Variants in MARCHF11 observed in about 807,000 individuals in gnomAD.
MARCHF11 encodes the protein E3 ubiquitin-protein ligase MARCHF11.
Under a neutral mutation model 37.3 loss-of-function variants are expected in MARCHF11, and 29 were observed. The ratio of observed to expected loss-of-function variants is 0.78; its 90% confidence interval spans 0.58 to 1.06. The LOEUF (loss-of-function observed/expected upper bound fraction) is 1.06. MARCHF11 is among the 50% of genes least tolerant of loss of function. The pLI is 0.00. For missense variants in MARCHF11, 482 were observed against 533.4 expected, an observed-to-expected ratio of 0.90 and a Z score of 0.95; for synonymous variants, 233 against 228.0, an observed-to-expected ratio of 1.02 and a Z score of -0.20.
At chr5:16,094,739 CA>C (rs1736838973) in intron 2 of MARCHF11, among the ~76,000 whole-genome samples, 1 of 152,022 alleles carries the variant, frequency 6.6e-6, no homozygotes, top group Admixed American at 6.6e-5. Context: ...AAAGTGGGAC[CA>C]ACTGGCACCT....
intron 2 of MARCHF11, among the ~76,000 whole-genome samples, chr5:16,173,304 C>A (rs1157896827): frequency 6.6e-6 from 1 of 152,180 alleles, no homozygotes; most frequent in African/African-American, 2.4e-5. Context: ...TCTCAGACTT[C>A]TCTGGCCTCC....
intron 2 of MARCHF11, among the ~76,000 whole-genome samples, chr5:16,172,251 A>C (rs915831806): frequency 5.3e-5 from 8 of 152,310 alleles, no homozygotes; most frequent in African/African-American, 1.7e-4. Context: ...CTAGTGAGTA[A>C]AATACGGATT....
rs759611157 is a variant in MARCHF11 at position 16,177,715 on chromosome 5, A to T, written c.693+11T>A. 4 of 1,592,904 alleles carry T rather than the reference A, an allele frequency of 2.5e-6. No homozygotes were observed. Among genetic ancestry groups the T allele is most frequent in the Non-Finnish European group, 3.4e-6 (4 of 1,170,480 alleles). The stretch of plus-strand genomic sequence containing the variant: ...ATTATTTCAGGAAAAATAAATGTTG[A>T]AACTGCTTACCTGGCAAGGTTGTTT... On this transcript the variant is annotated intron_variant, in intron 2 of 3. Coordinates refer to ENST00000332432, the MANE Select transcript of MARCHF11 (RefSeq NM_001102562.3).
chr5:16,110,001 A>G (rs1285099195), intron 2 of MARCHF11, among the ~76,000 whole-genome samples: 1 of 152,178 alleles, frequency 6.6e-6, no homozygotes, highest in Non-Finnish European at 1.5e-5. Context: ...AATGGCTTCT[A>G]GTTATTAATT....
chr5:16,151,648 AATGTGT>A (rs1398613535), intron 2 of MARCHF11, among the ~76,000 whole-genome samples: 27 of 27,294 alleles, frequency 9.9e-4, no homozygotes, highest in African/African-American at 3.1e-3. Flanking sequence ...GCGTGAGTTG[AATGTGT>A]GTGTGTGTGT....
chr5:16,127,518 C>T (rs1372012840), intron 2 of MARCHF11, among the ~76,000 whole-genome samples: 17 of 152,286 alleles, frequency 1.1e-4, no homozygotes. Context: ...CAACACCTAA[C>T]AAGGCATATC....
rs571035522 is a variant in MARCHF11 at position 16,068,487 on chromosome 5, C to T, written c.887-694G>A. Among the ~76,000 whole-genome samples, 13 of 152,292 alleles carry T rather than the reference C, an allele frequency of 8.5e-5. No individual in the cohort carries two copies. The South Asian group carries it at 1.2e-3, about 15-fold the overall frequency. Reference sequence around the variant, plus strand: ...GTGCTCAAAAACATACAACTAGTAGCGGTGGAGAGCAGGGATTCAAAAACA... The same window carrying T: ...GTGCTCAAAAACATACAACTAGTAGTGGTGGAGAGCAGGGATTCAAAAACA... On this transcript the variant is annotated intron_variant, in intron 3 of 3. Coordinates refer to ENST00000332432, the MANE Select transcript of MARCHF11 (RefSeq NM_001102562.3).
At chr5:16,115,905 G>C (rs1579390557) in intron 2 of MARCHF11, among the ~76,000 whole-genome samples, 1 of 152,164 alleles carries the variant, frequency 6.6e-6, no homozygotes, top group Non-Finnish European at 1.5e-5. Flanking sequence ...AGGATTACAG[G>C]AGTAAGCCAC....
chr5:16,151,636 A>C lies in MARCHF11; in HGVS notation c.693+26090T>G, dbSNP rs184958307. On this transcript the variant is annotated intron_variant, in intron 2 of 3. Coordinates refer to ENST00000332432, the MANE Select transcript of MARCHF11 (RefSeq NM_001102562.3). ...GGAGCATGTCTGTGTGTGTGTGTGCATGCGTGAGTTGAATGTGTGTGTGTG... is the reference window on the plus strand; with the variant it reads ...GGAGCATGTCTGTGTGTGTGTGTGCCTGCGTGAGTTGAATGTGTGTGTGTG... Among the ~76,000 whole-genome samples, 42 of 103,064 alleles carry C rather than the reference A, an allele frequency of 4.1e-4. No individual in the cohort carries two copies. The East Asian group carries it at 0.012, about 28-fold the overall frequency. The allele number at this position is 103,064 out of a possible 152,430, so 67.6% of individuals were successfully genotyped here.
chr5:16,177,938 C>G, intron 1 of MARCHF11, 57 bp from the exon 2 acceptor site: 1 of 1,483,866 alleles, frequency 6.7e-7, no homozygotes, highest in Non-Finnish European at 9.0e-7. Flanking sequence ...TTTTAAAAAC[C>G]TAATGCTTCC....
chr5:16,089,039 T>C (rs1188623354), intron 3 of MARCHF11, among the ~76,000 whole-genome samples: 9 of 152,068 alleles, frequency 5.9e-5, no homozygotes, highest in Non-Finnish European at 1.2e-4. Context: ...ATCAAAATAT[T>C]AATATTAGTC....
chr5:16,172,646 C>G (rs917357318), intron 2 of MARCHF11, among the ~76,000 whole-genome samples: 1 of 152,190 alleles, frequency 6.6e-6, no homozygotes, highest in Non-Finnish European at 1.5e-5. Flanking sequence ...TTTCTTGATA[C>G]ATTTTCAAAA....
intron 3 of MARCHF11, among the ~76,000 whole-genome samples, chr5:16,068,411 C>T (rs1297679942): frequency 6.6e-6 from 1 of 152,170 alleles, no homozygotes; most frequent in Non-Finnish European, 1.5e-5. Context: ...AGTACTAGCA[C>T]TTACCCCGTT....
intron 2 of MARCHF11, among the ~76,000 whole-genome samples, chr5:16,162,115 T>C (rs1002570879): frequency 2.6e-5 from 4 of 152,024 alleles, no homozygotes; most frequent in Non-Finnish European, 4.4e-5. Flanking sequence ...ATTAAATGCT[T>C]AAAATGGCAA....
At chr5:16,077,331 C>T (rs1466495151) in intron 3 of MARCHF11, among the ~76,000 whole-genome samples, 1 of 151,854 alleles carries the variant, frequency 6.6e-6, no homozygotes, top group Non-Finnish European at 1.5e-5. Context: ...TTTTCTCCAA[C>T]GGATAAACTG....
intron 2 of MARCHF11, among the ~76,000 whole-genome samples, chr5:16,103,787 G>A (rs1736995887): frequency 6.6e-6 from 1 of 152,088 alleles, no homozygotes; most frequent in Non-Finnish European, 1.5e-5. Context: ...TGCCGCATAA[G>A]AATTACTGAA....
At chr5:16,149,486 A>G (rs1429655066) in intron 2 of MARCHF11, among the ~76,000 whole-genome samples, 1 of 152,110 alleles carries the variant, frequency 6.6e-6, no homozygotes, top group East Asian at 1.9e-4. Flanking sequence ...CTTTGGTAAT[A>G]TCTACTAAAG....
intron 2 of MARCHF11, among the ~76,000 whole-genome samples, chr5:16,148,118 G>A (rs1408169876): frequency 6.6e-6 from 1 of 151,988 alleles, no homozygotes; most frequent in African/African-American, 2.4e-5. Flanking sequence ...AATTTAAGGA[G>A]AGTGCAATCT....
At chr5:16,071,791 T>G (rs1186059422) in intron 3 of MARCHF11, among the ~76,000 whole-genome samples, 1 of 152,212 alleles carries the variant, frequency 6.6e-6, no homozygotes, top group Non-Finnish European at 1.5e-5. Flanking sequence ...GTTACCAGTC[T>G]CAGCTTTTTT....
Sources: gnomAD v4.1 joint callset for allele counts (sites outside exome capture counted in the v4.1 genomes callset) on GRCh38, gnomAD v4.1.1 for gene constraint, MANE v1.5 for transcripts, NCBI Gene and HGNC (gene_info 2026-07-23, HGNC 2026-07-21) for gene names.